Variants in ZFR2 observed in about 807,000 individuals in gnomAD.
ZFR2 encodes zinc finger RNA binding protein 2.
ZFR2 carries 104 observed loss-of-function variants against 105.7 expected under a neutral mutation model. The observed-to-expected ratio is 0.98, with a 90% CI of 0.84 to 1.16. The LOEUF (loss-of-function observed/expected upper bound fraction) is 1.16, where lower values mean the gene tolerates loss of function less well. ZFR2 is among the 50% of genes most tolerant of loss of function. The probability of loss-of-function intolerance (pLI) is 0.00; values close to 1 mark genes in which losing one functional copy is unlikely to be tolerated. For missense variants in ZFR2, 1,425 were observed against 1,355.5 expected, an observed-to-expected ratio of 1.05 and a Z score of -0.80; for synonymous variants, 634 against 597.7, an observed-to-expected ratio of 1.06 and a Z score of -0.89.
chr19:3,811,753 T>C (rs58059659), intron 14 of ZFR2, among the ~76,000 whole-genome samples: 5,410 of 141,372 alleles, frequency 0.038, 119 homozygotes, highest in South Asian at 0.062. Context: ...CCGTGCCCGG[T>C]GGGGATTTTA....
chr19:3,808,974 GC>G lies in ZFR2; in HGVS notation c.2442del (p.Glu814AspfsTer8), dbSNP rs941376432. Reference protein sequence around the residue: ...TWGALPAWAMELLVEKAVSSA... With the variant: ...TWGALPAWAMXLLVEKAVSSA... ...CTGCTCACAGCCTTCTCCACCAGCAGCTCCATGGCCTGGTGGGGACAGAAGA... is the reference window on the plus strand; with the variant it reads ...CTGCTCACAGCCTTCTCCACCAGCAGTCCATGGCCTGGTGGGGACAGAAGA... On this transcript the variant is annotated frameshift_variant, in exon 17 of 19. Coordinates refer to ENST00000262961, the MANE Select transcript of ZFR2 (RefSeq NM_015174.2). LOFTEE classifies it high-confidence loss of function. 2 of 1,557,246 alleles carry G rather than the reference GC, an allele frequency of 1.3e-6. No individual in the cohort carries two copies. Among genetic ancestry groups the G allele is most frequent in the African/African-American group, 2.7e-5 (2 of 73,566 alleles).
chr19:3,850,725 AC>A (rs2038228986), intron 1 of ZFR2, among the ~76,000 whole-genome samples: 3 of 7,034 alleles, frequency 4.3e-4, no homozygotes, highest in African/African-American at 1.7e-3. Context: ...CTACAGAAAA[AC>A]AACAACAACA....
intron 5 of ZFR2, among the ~76,000 whole-genome samples, chr19:3,829,119 G>A (rs528240225): frequency 7.0e-4 from 106 of 152,050 alleles, no homozygotes; most frequent in African/African-American, 2.4e-3. Context: ...CTGCCACCAC[G>A]CCTGGCTAAT....
Position 3,831,767 on chromosome 19 carries a change from G to A in ZFR2, c.491C>T (p.Ser164Leu), listed in dbSNP as rs2240235. 0.39 allele frequency: 627,317 copies of A among 1,608,726 alleles called. 123,160 individuals are homozygous for A. Among genetic ancestry groups the A allele is most frequent in the East Asian group, 0.45 (20,264 of 44,770 alleles). ...ESGQPASTLS[S>L]GYTYPTATGV... ...TGTCGCCGTGGGGTAGGTGTATCCC[G>A]AGGACAAGGTGCTCGCTGGCTGTCC... The change falls in exon 4 of 19, where the codon TCG becomes TTG. Residue 164 changes from serine to leucine, a missense_variant. By Grantham distance (145) the Ser-to-Leu change is moderately radical. Transcript: ENST00000262961.
chr19:3,835,033 C>T (rs1385329762), intron 1 of ZFR2, 50 bp from the exon 2 acceptor site: 3 of 1,556,198 alleles, frequency 1.9e-6, no homozygotes, highest in African/African-American at 2.7e-5. Flanking sequence ...AGCGAGTTCT[C>T]AGGTGCACTG....
chr19:3,822,332 G>T, intron 8 of ZFR2, 132 bp from the exon 9 acceptor site: 1 of 1,400,692 alleles, frequency 7.1e-7, no homozygotes, highest in Non-Finnish European at 9.6e-7. Flanking sequence ...TTTAGAGACA[G>T]CGTCTTGCTG....
chr19:3,821,557 G>A (rs2037893245), intron 9 of ZFR2, 78 bp from the exon 10 acceptor site: 1 of 1,380,260 alleles, frequency 7.2e-7, no homozygotes, highest in Non-Finnish European at 9.6e-7. Context: ...GGGGTGCAGG[G>A]AGAGGCCCAG....
chr19:3,821,431 C>G lies in ZFR2; in HGVS notation c.1540G>C (p.Ala514Pro). The G allele has an allele frequency of 6.2e-7, 1 of 1,610,354 alleles. No individual in the cohort carries two copies. The change falls in exon 10 of 19, where the codon GCT becomes CCT. Residue 514 changes from alanine to proline, a missense_variant. By Grantham distance (27) the Ala-to-Pro change is conservative. Coordinates refer to ENST00000262961, the MANE Select transcript of ZFR2 (RefSeq NM_015174.2). Reference protein sequence around the residue: ...LPIATEPSSRARKVLEERMRK... With the variant: ...LPIATEPSSRPRKVLEERMRK... Reference sequence around the variant, plus strand: ...ATGCGCTCCTCCAGGACCTTCCGAGCCCGGCTGCTGGGCTCCGTGGCAATG... The same window carrying G: ...ATGCGCTCCTCCAGGACCTTCCGAGGCCGGCTGCTGGGCTCCGTGGCAATG...
At chr19:3,851,488 T>G (rs942881971) in intron 1 of ZFR2, among the ~76,000 whole-genome samples, 2 of 152,140 alleles carry the variant, frequency 1.3e-5, no homozygotes, top group Admixed American at 6.5e-5. Flanking sequence ...ATGCACACAC[T>G]GCTGTTCCAT....
chr19:3,810,876 A>G, intron 15 of ZFR2, 31 bp from the exon 16 acceptor site: 3 of 1,548,556 alleles, frequency 1.9e-6, no homozygotes, highest in Non-Finnish European at 2.6e-6. Flanking sequence ...GTTAGCTTTC[A>G]GGGGCTCACG....
rs370519857 is a variant in ZFR2, at chr19:3,855,868, A to G, written c.53+13097T>C. Among the ~76,000 whole-genome samples, 17 of 152,238 alleles carry G rather than the reference A, an allele frequency of 1.1e-4. 2 individuals carry two copies. The highest frequency in any genetic ancestry group is 3.9e-4 in the East Asian group (2 of 5,158). On this transcript the variant is annotated intron_variant, in intron 1 of 18. Coordinates refer to ENST00000262961, the MANE Select transcript of ZFR2 (RefSeq NM_015174.2). The stretch of plus-strand genomic sequence containing the variant: ...ATGAGGGGAGATGGGGTCAGAGAAT[A>G]AAGGGTGTGGAACAGGGGGCAGAGG...
At chr19:3,806,294 G>A (rs990451524) in intron 18 of ZFR2, among the ~76,000 whole-genome samples, 169 bp from the exon 19 acceptor site, 2 of 152,112 alleles carry the variant, frequency 1.3e-5, no homozygotes, top group African/African-American at 2.4e-5. Flanking sequence ...ACACAGTCTC[G>A]CTCTGTCACC....
rs750813550 is a variant in ZFR2, at chr19:3,863,224, TC to T, written c.53+5740del. Among the ~76,000 whole-genome samples the T allele has an allele frequency of 1.6e-3, 245 of 152,184 alleles. 2 individuals are homozygous for T. Among genetic ancestry groups the T allele is most frequent in the Non-Finnish European group, 1.9e-3 (131 of 67,974 alleles). ...GCAGCCACACCTGGCAGGCAGGGGCTCCCATCAGGGGTATTAACAGGTTCTG... is the reference window on the plus strand; with the variant it reads ...GCAGCCACACCTGGCAGGCAGGGGCTCCATCAGGGGTATTAACAGGTTCTG... On this transcript the variant is annotated intron_variant, in intron 1 of 18. Coordinates refer to ENST00000262961, the MANE Select transcript of ZFR2 (RefSeq NM_015174.2).
At chr19:3,849,738 GA>G (rs2038216995) in intron 1 of ZFR2, among the ~76,000 whole-genome samples, 1 of 152,214 alleles carries the variant, frequency 6.6e-6, no homozygotes, top group African/African-American at 2.4e-5. Flanking sequence ...TCAGCACCAT[GA>G]AGACAGTGAA....
chr19:3,831,248 G>A (rs2038010983), intron 5 of ZFR2, 55 bp downstream of exon 5: 1 of 1,440,850 alleles, frequency 6.9e-7, no homozygotes, highest in East Asian at 2.5e-5. Context: ...TTCGGGTTCA[G>A]ACGTTGGGGA....
chr19:3,822,005 G>C lies in ZFR2; in HGVS notation c.1491+76C>G, dbSNP rs750322225. On this transcript the variant is annotated intron_variant, in intron 9 of 18. Coordinates refer to ENST00000262961, the MANE Select transcript of ZFR2 (RefSeq NM_015174.2). Reference sequence around the variant, plus strand: ...CGGATCACACGCGCGGAAGAGGCCCGACCACAGGCCTCCCAGCGCCCGCCG... The same window carrying C: ...CGGATCACACGCGCGGAAGAGGCCCCACCACAGGCCTCCCAGCGCCCGCCG... The C allele has an allele frequency of 1.0e-3, 1,556 of 1,510,964 alleles. 3 individuals are homozygous for C. Among genetic ancestry groups the C allele is most frequent in the Non-Finnish European group, 1.3e-3 (1,453 of 1,125,858 alleles). 93.6% of individuals were successfully genotyped at this position (1,510,964 alleles called of 1,614,324 possible).
intron 3 of ZFR2, among the ~76,000 whole-genome samples, chr19:3,833,247 TCAA>T (rs2038038191): frequency 9.8e-6 from 1 of 101,580 alleles, no homozygotes; most frequent in Non-Finnish European, 1.9e-5. Context: ...AGACTCCGTC[TCAA>T]AAAAAAAAAA....
intron 12 of ZFR2, among the ~76,000 whole-genome samples, 163 bp downstream of exon 12, chr19:3,818,882 C>T (rs1009547428): frequency 6.6e-6 from 1 of 152,262 alleles, no homozygotes; most frequent in African/African-American, 2.4e-5. Flanking sequence ...AGCTCCAGCT[C>T]TGAGACCTGG....
At position 3,822,133 on chromosome 19, in the gene ZFR2, A is replaced by C; in HGVS notation, c.1439T>G (p.Leu480Arg). 1.2e-6 allele frequency: 2 copies of C among 1,610,578 alleles called. No homozygotes were observed. The highest frequency in any genetic ancestry group is 1.7e-6 in the Non-Finnish European group (2 of 1,178,740). ...CKLCECSFND[L>R]NAKDLHVRGR... ...CCTCACGTGCAGGTCCTTCGCGTTA[A>C]GGTCGTTGAAACTGCACTCGCACAG... Residue 480 changes from leucine (L) to arginine (R), a missense_variant, in exon 9 of 19, where the codon CTT (leucine) becomes CGT (arginine). By Grantham distance (102) the Leu-to-Arg change is moderately radical (BLOSUM62 -2). Transcript: ENST00000262961.
Sources: allele counts gnomAD v4.1 joint callset (sites outside exome capture counted in the v4.1 genomes callset), GRCh38; gene constraint gnomAD v4.1.1; transcripts MANE v1.5; gene names NCBI Gene and HGNC (gene_info 2026-07-23, HGNC 2026-07-21).